Variants in TLK2 observed in about 807,000 individuals in gnomAD.
The protein encoded by TLK2 is tousled like kinase 2.
TLK2 carries 6 observed loss-of-function variants against 117.3 expected under a neutral mutation model. The ratio of observed to expected loss-of-function variants is 0.05; its 90% confidence interval spans 0.03 to 0.10. The LOEUF (loss-of-function observed/expected upper bound fraction) is 0.10. Among genes scored for constraint, TLK2 ranks in the 10% least tolerant of loss-of-function variants. The probability of loss-of-function intolerance (pLI) is 1.00; values close to 1 mark genes in which losing one functional copy is unlikely to be tolerated. For missense variants in TLK2, 299 were observed against 901.2 expected (o/e 0.33, Z 8.56); for synonymous variants, 257 against 316.7 (o/e 0.81, Z 2.00).
intron 4 of TLK2, 52 bp from the exon 5 acceptor site, chr17:62,523,082 A>G (rs2076148574): frequency 1.3e-6 from 2 of 1,520,516 alleles, no homozygotes; most frequent in South Asian, 2.6e-5. Flanking sequence ...TTAGTGAATG[A>G]TGGTTTATAT....
intron 2 of TLK2, among the ~76,000 whole-genome samples, chr17:62,495,727 C>T (rs1450611917): frequency 2.0e-5 from 3 of 150,152 alleles, no homozygotes; most frequent in African/African-American, 4.9e-5. Context: ...GTCATGATCT[C>T]GGCTCACTGC....
At chr17:62,526,534 C>T (rs1195889995) in intron 6 of TLK2, among the ~76,000 whole-genome samples, 2 of 152,200 alleles carry the variant, frequency 1.3e-5, no homozygotes, top group Non-Finnish European at 2.9e-5. Context: ...CTTGCTAGCC[C>T]TTCACATGGG....
intron 10 of TLK2, among the ~76,000 whole-genome samples, chr17:62,563,820 C>T (rs905695878): frequency 2.0e-5 from 3 of 152,104 alleles, no homozygotes; most frequent in African/African-American, 7.2e-5. Flanking sequence ...GAATGATGTT[C>T]TCAAGAATCA....
intron 21 of TLK2, among the ~76,000 whole-genome samples, chr17:62,610,074 GTAGATGTT>G (rs1449994471): frequency 5.3e-5 from 8 of 152,274 alleles, no homozygotes; most frequent in Admixed American, 2.0e-4. Context: ...ACATTGTCTG[GTAGATGTT>G]TAATTCTCCT....
intron 11 of TLK2, among the ~76,000 whole-genome samples, chr17:62,568,963 C>A (rs1429711918): frequency 2.0e-5 from 3 of 152,140 alleles, no homozygotes; most frequent in African/African-American, 7.2e-5. Flanking sequence ...TACCATTTCA[C>A]AGCTCCCAGT....
chr17:62,563,187 G>C (rs1479721751), intron 10 of TLK2, among the ~76,000 whole-genome samples: 1 of 152,174 alleles, frequency 6.6e-6, no homozygotes, highest in Non-Finnish European at 1.5e-5. Flanking sequence ...CACAGTTCCT[G>C]CCATCAGAGG....
upstream of TLK2, among the ~76,000 whole-genome samples, chr17:62,473,964 C>T (rs562893977): frequency 7.2e-5 from 11 of 152,248 alleles, no homozygotes; most frequent in Non-Finnish European, 1.0e-4. Context: ...GGTGGGTTCT[C>T]AGCTCACTGC....
rs940139388 is a variant in TLK2 at position 62,553,853 on chromosome 17, A to G, written c.720+98A>G. 8.0e-6 allele frequency: 6 copies of G among 753,576 alleles called. No individual in the cohort carries two copies. In the African/African-American group the frequency reaches 1.1e-4, roughly 13 times the overall value. The allele number at this position is 753,576 out of a possible 1,614,324, so 46.7% of individuals were successfully genotyped here. A position where few individuals can be genotyped will look rare whatever the true frequency, so the allele number is the denominator to read the frequency against. Reference sequence around the variant, plus strand: ...TAGAAGTAATTACTATAGCCAAATAACAATGAAATAATAAACATTTGGGTA... The same window carrying G: ...TAGAAGTAATTACTATAGCCAAATAGCAATGAAATAATAAACATTTGGGTA... On this transcript the variant is annotated intron_variant, in intron 9 of 21. Transcript: ENST00000346027.
rs1476242384 is a variant in TLK2 at position 62,501,321 on chromosome 17, G to A, written c.82-19452G>A. Among the ~76,000 whole-genome samples the A allele has an allele frequency of 3.3e-5, 5 of 152,282 alleles. No individual in the cohort carries two copies. In the East Asian group the frequency reaches 9.6e-4, roughly 29 times the overall value. Reference sequence around the variant, plus strand: ...ATTTGTGGGATACAGCTAATACAGTGCTTTAGAAGGAAACTTCAGCTTTAA... The same window carrying A: ...ATTTGTGGGATACAGCTAATACAGTACTTTAGAAGGAAACTTCAGCTTTAA... On this transcript the variant is annotated intron_variant, in intron 2 of 21. Coordinates refer to ENST00000346027, the MANE Select transcript of TLK2 (RefSeq NM_006852.6).
At chr17:62,561,080 T>G (rs2079233424) in intron 10 of TLK2, among the ~76,000 whole-genome samples, 1 of 152,124 alleles carries the variant, frequency 6.6e-6, no homozygotes, top group African/African-American at 2.4e-5. Context: ...ATGCAGTGTT[T>G]GGTTTTTTTG....
At chr17:62,483,428 T>G (rs922299938) in intron 2 of TLK2, among the ~76,000 whole-genome samples, 1 of 152,254 alleles carries the variant, frequency 6.6e-6, no homozygotes, top group Non-Finnish European at 1.5e-5. Flanking sequence ...TACAGTAACC[T>G]ATCTGTTTAA....
At position 62,565,651 on chromosome 17, in the gene TLK2, C is replaced by CAAAA. The variant is rs5821367; in HGVS notation, c.968+529_968+532dup. Among the ~76,000 whole-genome samples the CAAAA allele has an allele frequency of 7.7e-4, 78 of 101,082 alleles. 2 individuals carry two copies. Among genetic ancestry groups the CAAAA allele is most frequent in the African/African-American group, 1.4e-3 (36 of 25,908 alleles). The allele number at this position is 101,082 out of a possible 152,430, so 66.3% of individuals were successfully genotyped here. On this transcript the variant is annotated intron_variant, in intron 11 of 21. Coordinates refer to ENST00000346027, the MANE Select transcript of TLK2 (RefSeq NM_006852.6). ...TGGGCGACAGAGCAAGACTCCATCT[C>CAAAA]AAAAAAAAAAAAAAAAAAGAATGAG... is the stretch of plus-strand genomic sequence containing the variant.
In TLK2 at chr17:62,600,774, C is replaced by T. The variant is rs1422669752; in HGVS notation, c.1674C>T (p.Tyr558=). 1.9e-6 allele frequency: 3 copies of T among 1,612,828 alleles called. No individual in the cohort carries two copies. The African/African-American group carries it at 4.0e-5, about 22-fold the overall frequency. The change falls in exon 18 of 22, where the codon TAC becomes TAT. Residue 558 remains tyrosine (Y), a synonymous_variant. Coordinates refer to ENST00000346027, the MANE Select transcript of TLK2 (RefSeq NM_006852.6). ...TGCAGATTGTGAATGCTTTAAAGTA[C>T]TTAAATGAAATAAAACCTCCCATCA... The part of the protein sequence containing the change: ...IIMQIVNALK[Y]LNEIKPPIIH...
At chr17:62,577,524 CA>C (rs1403819793) in intron 13 of TLK2, among the ~76,000 whole-genome samples, 1 of 152,132 alleles carries the variant, frequency 6.6e-6, no homozygotes, top group African/African-American at 2.4e-5. Flanking sequence ...TATTCAAATA[CA>C]AAGGCACATA....
chr17:62,565,154 G>C lies in TLK2; in HGVS notation c.968+17G>C. On this transcript the variant is annotated intron_variant, in intron 11 of 21. Transcript: ENST00000346027. ...TCTTATCAAGTAAGTGAATTGTTAT[G>C]ATTAAATGGAGAATTGAAAAGTTCG... 2 of 1,588,976 alleles carry C rather than the reference G, an allele frequency of 1.3e-6. No individual in the cohort carries two copies. Among genetic ancestry groups the C allele is most frequent in the South Asian group, 2.3e-5 (2 of 86,420 alleles).
chr17:62,478,000 G>A (rs1486606002), upstream of TLK2: 2 of 152,132 alleles, frequency 1.3e-5, no homozygotes, highest in Non-Finnish European at 2.9e-5. Flanking sequence ...CCCTCCTTCC[G>A]GAGGGCAGCA....
intron 7 of TLK2, among the ~76,000 whole-genome samples, chr17:62,548,240 A>ATATATATATATATATG (rs368516607): frequency 8.2e-6 from 1 of 121,234 alleles, no homozygotes; most frequent in Non-Finnish European, 1.7e-5. Flanking sequence ...ATATATATAT[A>ATATATATATATATATG]TGTGTGTGTG....
intron 2 of TLK2, among the ~76,000 whole-genome samples, chr17:62,505,597 T>C (rs1311431871): frequency 2.0e-5 from 3 of 151,940 alleles, no homozygotes; most frequent in African/African-American, 7.3e-5. Context: ...TCTATTTTTT[T>C]GTTTTTATTT....
chr17:62,610,757 G>A (rs1427584943), intron 21 of TLK2, among the ~76,000 whole-genome samples: 1 of 152,122 alleles, frequency 6.6e-6, no homozygotes, highest in Non-Finnish European at 1.5e-5. Context: ...TAAGTGTGAG[G>A]GAAGGCAGTT....
Sources: allele counts gnomAD v4.1 joint callset (sites outside exome capture counted in the v4.1 genomes callset), GRCh38; gene constraint gnomAD v4.1.1; transcripts MANE v1.5; gene names NCBI Gene and HGNC (gene_info 2026-07-23, HGNC 2026-07-21).